SMAD2: variants seen among roughly 807,000 people sequenced by gnomAD.
SMAD2 encodes SMAD family member 2, also known as MAD homolog 2.
In SMAD2, 8 loss-of-function variants were observed where a neutral mutation model predicts 64.4. The observed-to-expected ratio is 0.12, with a 90% CI of 0.07 to 0.22. The LOEUF (loss-of-function observed/expected upper bound fraction) is 0.22. Among genes scored for constraint, SMAD2 ranks in the 10% least tolerant of loss-of-function variants. The probability of loss-of-function intolerance (pLI) is 1.00; values close to 1 mark genes in which losing one functional copy is unlikely to be tolerated. For synonymous variants in SMAD2, 203 were observed against 195.8 expected (o/e 1.04, Z -0.31); for missense variants, 289 against 561.2 (o/e 0.51, Z 4.90).
chr18:47,921,147 A>T (rs902444401), intron 1 of SMAD2, among the ~76,000 whole-genome samples: 1 of 152,180 alleles, frequency 6.6e-6, no homozygotes, highest in African/African-American at 2.4e-5. Context: ...ACAGAGTGAG[A>T]CACTGTCTCA....
chr18:47,920,145 G>T (rs2034505491), intron 1 of SMAD2: 1 of 151,818 alleles, frequency 6.6e-6, no homozygotes, highest in South Asian at 2.1e-4. Flanking sequence ...CTTCTGGGTT[G>T]CAGACTGCCG....
intron 6 of SMAD2, among the ~76,000 whole-genome samples, chr18:47,851,819 A>G (rs1430783632): frequency 2.0e-5 from 3 of 152,186 alleles, no homozygotes; most frequent in Non-Finnish European, 2.9e-5. Context: ...ATCTTTTGCT[A>G]TAAGAACCAA....
chr18:47,926,762 G>T (rs1191254298), intron 1 of SMAD2, among the ~76,000 whole-genome samples: 2 of 152,162 alleles, frequency 1.3e-5, no homozygotes, highest in Non-Finnish European at 2.9e-5. Context: ...TAATAACAGT[G>T]TAGGCAAATC....
chr18:47,850,332 A>G (rs1351684936), intron 7 of SMAD2, among the ~76,000 whole-genome samples: 1 of 47,622 alleles, frequency 2.1e-5, no homozygotes, highest in Non-Finnish European at 3.4e-5. Flanking sequence ...ATTATGTATA[A>G]TATATGTTAT....
chr18:47,908,519 T>G (rs957927840), intron 1 of SMAD2, among the ~76,000 whole-genome samples: 1 of 152,166 alleles, frequency 6.6e-6, no homozygotes, highest in African/African-American at 2.4e-5. Flanking sequence ...GATATGTAGA[T>G]ACTACTCTAT....
rs929641590 is a variant in SMAD2, at chr18:47,816,225, A to C, written c.*25602T>G. ...GGAAGTGAGTTTGAGATAAAAAGGAATTTATTTATTTGCACCTATGTATTG... is the reference window on the plus strand; with the variant it reads ...GGAAGTGAGTTTGAGATAAAAAGGACTTTATTTATTTGCACCTATGTATTG... On this transcript the variant is annotated 3_prime_UTR_variant, in exon 11 of 11. Transcript: ENST00000262160. 1 of 152,190 alleles carries C rather than the reference A, an allele frequency of 6.6e-6. No homozygotes were observed. Among genetic ancestry groups the C allele is most frequent in the Non-Finnish European group, 1.5e-5 (1 of 68,028 alleles). 9.4% of individuals were successfully genotyped at this position (152,190 alleles called of 1,614,324 possible).
In SMAD2 at chr18:47,817,099, A is replaced by G. The variant is rs1912398566; in HGVS notation, c.*24728T>C. ...TTTCTACAGCAATGCTGTATTCCCA[A>G]ATAGAGTTTTCTTTTAGAGAGCCTC... On this transcript the variant is annotated 3_prime_UTR_variant, in exon 11 of 11. Transcript: ENST00000262160. 1 of 152,114 alleles carries G rather than the reference A, an allele frequency of 6.6e-6. No individual in the cohort carries two copies. The highest frequency in any genetic ancestry group is 1.5e-5 in the Non-Finnish European group (1 of 68,008). 9.4% of individuals were successfully genotyped at this position (152,114 alleles called of 1,614,324 possible). A position where few individuals can be genotyped will look rare whatever the true frequency, so the allele number is the denominator to read the frequency against.
At chr18:47,913,331 T>TA (rs1296738894) in intron 1 of SMAD2, among the ~76,000 whole-genome samples, 1 of 152,220 alleles carries the variant, frequency 6.6e-6, no homozygotes, top group Non-Finnish European at 1.5e-5. Flanking sequence ...GAAATGAAAC[T>TA]AACTTAAGTT....
chr18:47,862,967 C>A (rs999970109), intron 6 of SMAD2, among the ~76,000 whole-genome samples: 4 of 151,638 alleles, frequency 2.6e-5, no homozygotes. Context: ...AGAATAAAGT[C>A]TTGACCAGCA....
chr18:47,920,711 C>T (rs1200511884), intron 1 of SMAD2, among the ~76,000 whole-genome samples: 1 of 152,206 alleles, frequency 6.6e-6, no homozygotes, highest in African/African-American at 2.4e-5. Context: ...AAATAAATTA[C>T]AAATGTAGAT....
At chr18:47,915,505 A>G (rs1440469639) in intron 1 of SMAD2, among the ~76,000 whole-genome samples, 2 of 152,166 alleles carry the variant, frequency 1.3e-5, no homozygotes, top group African/African-American at 2.4e-5. Flanking sequence ...AGGCTGGTAT[A>G]TATCATTTTA....
rs1291275676 is a variant in SMAD2 at position 47,834,303 on chromosome 18, T to C, written c.*7524A>G. On this transcript the variant is annotated 3_prime_UTR_variant, in exon 11 of 11. Coordinates refer to ENST00000262160, the MANE Select transcript of SMAD2 (RefSeq NM_005901.6). Reference sequence around the variant, plus strand: ...TTAAAAATCAGAGCAAATGAATTTCTTAAGTTCAAGATATGTACTCTCAAT... The same window carrying C: ...TTAAAAATCAGAGCAAATGAATTTCCTAAGTTCAAGATATGTACTCTCAAT... The C allele has an allele frequency of 5.3e-5, 11 of 209,476 alleles. No homozygotes were observed. Among genetic ancestry groups the C allele is most frequent in the Non-Finnish European group, 7.8e-5 (8 of 103,044 alleles). The allele number at this position is 209,476 out of a possible 1,614,324, so 13.0% of individuals were successfully genotyped here.
chr18:47,855,819 C>G (rs1304853127), intron 6 of SMAD2, among the ~76,000 whole-genome samples: 1 of 152,068 alleles, frequency 6.6e-6, no homozygotes, highest in Non-Finnish European at 1.5e-5. Flanking sequence ...TCTTTCAGCA[C>G]TTTAAATACA....
rs934135531 is a variant in SMAD2 at position 47,839,222 on chromosome 18, C to T, written c.*2605G>A. On this transcript the variant is annotated 3_prime_UTR_variant, in exon 11 of 11. Coordinates refer to ENST00000262160, the MANE Select transcript of SMAD2 (RefSeq NM_005901.6). ...AAATCGCATCAGAACTGTAGAGATG[C>T]GCTCCACTACTGAAACAGCATAGTA... 6.4e-5 allele frequency: 15 copies of T among 233,166 alleles called. No individual in the cohort carries two copies. The highest frequency in any genetic ancestry group is 9.3e-5 in the Non-Finnish European group (11 of 118,042). 14.4% of individuals were successfully genotyped at this position (233,166 alleles called of 1,614,324 possible).
At position 47,841,958 on chromosome 18, in the gene SMAD2, A is replaced by G. The variant is rs2144277232; in HGVS notation, c.1281-8T>C. On this transcript the variant is annotated splice_polypyrimidine_tract_variant and splice_region_variant and intron_variant, in intron 10 of 10. Transcript: ENST00000262160. ...CTTGTTACCGTCTGCCTTCTGTTTA[A>G]AAGAATACAGGAAAATGATTATGAA... 1 of 1,614,114 alleles carries G rather than the reference A, an allele frequency of 6.2e-7. No homozygotes were observed. The highest frequency in any genetic ancestry group is 1.1e-5 in the South Asian group (1 of 91,078).
Position 47,837,836 on chromosome 18 carries a change from C to T in SMAD2, c.*3991G>A, listed in dbSNP as rs539703127. ...GTGGGCAGGGGCTTGGGAGGGAAGG[C>T]GCAAATTGGAATGTTCAGCTTTTAA... On this transcript the variant is annotated 3_prime_UTR_variant, in exon 11 of 11. Coordinates refer to ENST00000262160, the MANE Select transcript of SMAD2 (RefSeq NM_005901.6). 11 of 232,600 alleles carry T rather than the reference C, an allele frequency of 4.7e-5. No homozygotes were observed. Among genetic ancestry groups the T allele is most frequent in the South Asian group, 1.8e-4 (1 of 5,522 alleles). The allele number at this position is 232,600 out of a possible 1,614,324, so 14.4% of individuals were successfully genotyped here. A position where few individuals can be genotyped will look rare whatever the true frequency, so the allele number is the denominator to read the frequency against.
intron 6 of SMAD2, among the ~76,000 whole-genome samples, chr18:47,854,104 A>G (rs2030428179): frequency 6.6e-6 from 1 of 151,816 alleles, no homozygotes; most frequent in Non-Finnish European, 1.5e-5. Flanking sequence ...AAAAAAAACC[A>G]GAGGCAACGA....
intron 2 of SMAD2, chr18:47,878,628 A>AAAAAC (rs1205228840): frequency 2.0e-5 from 3 of 152,170 alleles, no homozygotes; most frequent in African/African-American, 4.8e-5. Context: ...TCCCATCTTA[A>AAAAAC]AAAACAAAAC....
chr18:47,916,002 T>C (rs1397590392), intron 1 of SMAD2, among the ~76,000 whole-genome samples: 1 of 152,212 alleles, frequency 6.6e-6, no homozygotes, highest in African/African-American at 2.4e-5. Flanking sequence ...ATCATATGCT[T>C]TCCCGTTGTC....
Sources: gnomAD v4.1 joint callset for allele counts (sites outside exome capture counted in the v4.1 genomes callset) on GRCh38, gnomAD v4.1.1 for gene constraint, MANE v1.5 for transcripts, NCBI Gene and HGNC (gene_info 2026-07-23, HGNC 2026-07-21) for gene names.